DPP10: variants seen among roughly 807,000 people sequenced by gnomAD.
DPP10 encodes inactive dipeptidyl peptidase 10.
Under a neutral mutation model 120.9 loss-of-function variants are expected in DPP10, and 33 were observed. That is an observed-to-expected ratio of 0.27 (90% confidence interval 0.21 to 0.37). The LOEUF is 0.37. DPP10 is among the 10% of genes least tolerant of loss of function. The probability of loss-of-function intolerance (pLI) is 1.00; values close to 1 mark genes in which losing one functional copy is unlikely to be tolerated. For synonymous variants in DPP10, 337 were observed against 326.1 expected, an observed-to-expected ratio of 1.03 and a Z score of -0.36; for missense variants, 816 against 942.8, an observed-to-expected ratio of 0.87 and a Z score of 1.76.
At chr2:115,542,409 A>G (rs936589785) in intron 5 of DPP10, among the ~76,000 whole-genome samples, 2 of 151,992 alleles carry the variant, frequency 1.3e-5, no homozygotes, top group African/African-American at 4.8e-5. Context: ...TTTGTGTGCC[A>G]AGATTTTGTT....
intron 1 of DPP10, among the ~76,000 whole-genome samples, chr2:114,802,606 G>T (rs1188367577): frequency 6.6e-6 from 1 of 152,118 alleles, no homozygotes; most frequent in Admixed American, 6.6e-5. Context: ...AATGAAAACG[G>T]ACTGCTCCTA....
chr2:115,534,101 T>G (rs577658295), intron 5 of DPP10, among the ~76,000 whole-genome samples: 2 of 140,006 alleles, frequency 1.4e-5, no homozygotes, highest in African/African-American at 3.0e-5. Flanking sequence ...ATTTATTTTT[T>G]TATTTTTTAT....
intron 3 of DPP10, among the ~76,000 whole-genome samples, chr2:115,362,862 A>T (rs1008477652): frequency 6.6e-6 from 1 of 152,230 alleles, no homozygotes; most frequent in Non-Finnish European, 1.5e-5. Flanking sequence ...AGTGTTTGAC[A>T]CATAGCTCTT....
intron 1 of DPP10, among the ~76,000 whole-genome samples, chr2:114,649,631 T>C (rs963551964): frequency 6.6e-6 from 1 of 152,118 alleles, no homozygotes; most frequent in Non-Finnish European, 1.5e-5. Flanking sequence ...GGATGGATCC[T>C]GAGATTTTTT....
chr2:115,476,744 G>A (rs1310786083), intron 3 of DPP10, among the ~76,000 whole-genome samples: 2 of 152,058 alleles, frequency 1.3e-5, no homozygotes, highest in South Asian at 2.1e-4. Flanking sequence ...TCCAAACTGT[G>A]TTAATACTGT....
chr2:115,771,161 T>A (rs980744044), intron 13 of DPP10, among the ~76,000 whole-genome samples: 2 of 151,688 alleles, frequency 1.3e-5, no homozygotes, highest in Non-Finnish European at 2.9e-5. Context: ...TGCAACCCCC[T>A]CCTCCCAGGT....
chr2:115,440,075 T>G (rs2071884312), intron 3 of DPP10, among the ~76,000 whole-genome samples: 1 of 152,212 alleles, frequency 6.6e-6, no homozygotes, highest in Middle Eastern at 3.4e-3. Context: ...AACAGCATTT[T>G]TTTTTCTTAG....
chr2:114,491,900 T>C (rs1040224039), intron 1 of DPP10, among the ~76,000 whole-genome samples: 1 of 152,206 alleles, frequency 6.6e-6, no homozygotes, highest in Non-Finnish European at 1.5e-5. Flanking sequence ...TAGTGCTTTT[T>C]CCTGGGGGCA....
intron 1 of DPP10, among the ~76,000 whole-genome samples, chr2:115,002,718 A>G (rs1701525304): frequency 6.6e-6 from 1 of 152,146 alleles, no homozygotes; most frequent in Non-Finnish European, 1.5e-5. Context: ...ACAGACACTT[A>G]CCAAAAGAAG....
At chr2:115,583,276 A>G (rs1410606474) in intron 5 of DPP10, among the ~76,000 whole-genome samples, 1 of 152,216 alleles carries the variant, frequency 6.6e-6, no homozygotes, top group East Asian at 1.9e-4. Context: ...CAACAAATCT[A>G]TGTCTAAGGT....
intron 1 of DPP10, among the ~76,000 whole-genome samples, chr2:115,200,442 C>A (rs2055617391): frequency 6.6e-6 from 1 of 152,028 alleles, no homozygotes; most frequent in South Asian, 2.1e-4. Flanking sequence ...TTTATATGTG[C>A]AGATTAAAAA....
chr2:115,226,239 A>G (rs1041970443), intron 1 of DPP10, among the ~76,000 whole-genome samples: 1 of 152,128 alleles, frequency 6.6e-6, no homozygotes, highest in African/African-American at 2.4e-5. Context: ...TCAGTTTATC[A>G]TGCTCTGTTT....
At chr2:115,813,969 A>G (rs1686948604) in intron 19 of DPP10, among the ~76,000 whole-genome samples, 1 of 152,226 alleles carries the variant, frequency 6.6e-6, no homozygotes, top group Admixed American at 6.5e-5. Context: ...AACTATATCT[A>G]GGTATGGACC....
At chr2:114,476,217 ATC>A (rs1225681578) in intron 1 of DPP10, among the ~76,000 whole-genome samples, 1 of 152,202 alleles carries the variant, frequency 6.6e-6, no homozygotes, top group African/African-American at 2.4e-5. Context: ...TTTAATGGAT[ATC>A]TATTCATTTA....
At chr2:115,388,673 G>GT (rs1388455061) in intron 3 of DPP10, among the ~76,000 whole-genome samples, 1 of 152,056 alleles carries the variant, frequency 6.6e-6, no homozygotes, top group East Asian at 1.9e-4. Context: ...TGATTATGTT[G>GT]TTTTTTTCTC....
chr2:114,645,449 G>A (rs1029915039), intron 1 of DPP10, among the ~76,000 whole-genome samples: 7 of 152,168 alleles, frequency 4.6e-5, no homozygotes, highest in African/African-American at 1.7e-4. Flanking sequence ...TTCTTGTACT[G>A]TTTACAGCAC....
At chr2:115,411,507 G>A (rs1196258684) in intron 3 of DPP10, among the ~76,000 whole-genome samples, 2 of 152,162 alleles carry the variant, frequency 1.3e-5, no homozygotes, top group Non-Finnish European at 2.9e-5. Flanking sequence ...TTGAAAGGGG[G>A]AGGGAAAATT....
At chr2:114,693,531 T>G (rs1394053606) in intron 1 of DPP10, among the ~76,000 whole-genome samples, 3 of 151,926 alleles carry the variant, frequency 2.0e-5, no homozygotes, top group Admixed American at 6.6e-5. Flanking sequence ...CATTTCGATT[T>G]TGGAGAATCT....
chr2:115,331,778 T>C (rs1213705910), intron 2 of DPP10, among the ~76,000 whole-genome samples: 1 of 152,226 alleles, frequency 6.6e-6, no homozygotes, highest in Non-Finnish European at 1.5e-5. Context: ...GAAGCCCACT[T>C]GATCATGGTG....
Sources: allele counts gnomAD v4.1 joint callset (sites outside exome capture counted in the v4.1 genomes callset), GRCh38; gene constraint gnomAD v4.1.1; transcripts MANE v1.5; gene names NCBI Gene and HGNC (gene_info 2026-07-23, HGNC 2026-07-21).